ARIH2: variants seen among roughly 807,000 people sequenced by gnomAD.
The protein encoded by ARIH2 is ariadne RBR E3 ubiquitin protein ligase 2.
ARIH2 carries 12 observed loss-of-function variants against 79.8 expected under a neutral mutation model. That is an observed-to-expected ratio of 0.15 (90% CI 0.10 to 0.24). The LOEUF is 0.24. ARIH2 is among the 10% of genes least tolerant of loss of function. The probability of loss-of-function intolerance (pLI) is 1.00; values close to 1 mark genes in which losing one functional copy is unlikely to be tolerated. For synonymous variants in ARIH2, 224 were observed against 213.9 expected (o/e 1.05, Z -0.41); for missense variants, 301 against 618.3 (o/e 0.49, Z 5.44).
At position 48,918,970 on chromosome 3, in the gene ARIH2, G is replaced by T. The variant is rs748125823; in HGVS notation, c.-190G>T. Reference sequence around the variant, plus strand: ...GCCTGACCCGGTCTGGCTTGTTCGGGCTCAGCGGCCGCGAGGCCGCAGCTC... The same window carrying T: ...GCCTGACCCGGTCTGGCTTGTTCGGTCTCAGCGGCCGCGAGGCCGCAGCTC... On this transcript the variant is annotated 5_prime_UTR_variant, in exon 1 of 16. Coordinates refer to ENST00000356401, the MANE Select transcript of ARIH2 (RefSeq NM_006321.4). 9 of 1,482,840 alleles carry T rather than the reference G, an allele frequency of 6.1e-6. No individual in the cohort carries two copies. Among genetic ancestry groups the T allele is most frequent in the Non-Finnish European group, 3.6e-6 (4 of 1,124,512 alleles). 91.9% of individuals were successfully genotyped at this position (1,482,840 alleles called of 1,614,324 possible).
intron 3 of ARIH2, among the ~76,000 whole-genome samples, chr3:48,940,387 A>AAG (rs200771074): frequency 6.0e-5 from 9 of 151,256 alleles, no homozygotes; most frequent in South Asian, 4.2e-4. Context: ...GATAGATAAA[A>AAG]AGAGAGAGAG....
At chr3:48,919,233 GCCAC>G in intron 1 of ARIH2, 4 of 1,250,612 alleles carry the variant, frequency 3.2e-6, no homozygotes, top group Non-Finnish European at 4.0e-6. Flanking sequence ...AAGGTCAGAG[GCCAC>G]CGCCTCTGAC....
chr3:48,928,521 T>TA (rs1267590188), intron 3 of ARIH2, among the ~76,000 whole-genome samples: 1 of 152,210 alleles, frequency 6.6e-6, no homozygotes, highest in Non-Finnish European at 1.5e-5. Context: ...CACTGGCCAT[T>TA]ATGGGAAATT....
At chr3:48,973,571 G>A (rs1289007542) in intron 8 of ARIH2, 128 bp from the exon 9 acceptor site, 9 of 613,362 alleles carry the variant, frequency 1.5e-5, no homozygotes, top group Non-Finnish European at 2.5e-5. Flanking sequence ...GCAAGACTCT[G>A]TCTCAAAAAA....
chr3:48,967,062 G>A, intron 5 of ARIH2, 63 bp from the exon 6 acceptor site: 1 of 1,554,558 alleles, frequency 6.4e-7, no homozygotes, highest in Non-Finnish European at 8.8e-7. Flanking sequence ...GGCTGCATGA[G>A]GTACCCTTAT....
At chr3:48,924,279 C>T (rs184309641) in intron 2 of ARIH2, among the ~76,000 whole-genome samples, 15 of 151,110 alleles carry the variant, frequency 9.9e-5, no homozygotes, top group Admixed American at 9.9e-4. Flanking sequence ...ATGATACAGG[C>T]GTGAGCCACT....
At position 48,956,264 on chromosome 3, in the gene ARIH2, G is replaced by A. The variant is rs1463270399; in HGVS notation, c.256-5348G>A. ...AGCAATTCTACTGCCTCAGCCTCCC[G>A]AATACCTGGGATTACAGGCGCCCGC... On this transcript the variant is annotated intron_variant, in intron 3 of 15. Transcript: ENST00000356401. Among the ~76,000 whole-genome samples the A allele has an allele frequency of 7.3e-5, 11 of 150,224 alleles. No homozygotes were observed. In the East Asian group the frequency reaches 2.0e-3, roughly 27 times the overall value.
intron 3 of ARIH2, among the ~76,000 whole-genome samples, chr3:48,938,398 A>G (rs1473800201): frequency 6.6e-6 from 1 of 152,204 alleles, no homozygotes; most frequent in African/African-American, 2.4e-5. Context: ...ATACCCATAG[A>G]ACTGCATACT....
chr3:48,968,493 G>A (rs773403549), intron 6 of ARIH2, 41 bp from the exon 7 acceptor site: 17 of 1,590,528 alleles, frequency 1.1e-5, no homozygotes, highest in Non-Finnish European at 1.5e-5. Flanking sequence ...ACAGGCATGA[G>A]CTATCGCACC....
chr3:48,941,514 A>G (rs1441269182), intron 3 of ARIH2, among the ~76,000 whole-genome samples: 1 of 152,168 alleles, frequency 6.6e-6, no homozygotes, highest in Non-Finnish European at 1.5e-5. Flanking sequence ...AGTGGTAAAA[A>G]GGAATGAGGT....
At chr3:48,965,033 G>A in intron 5 of ARIH2, 51 bp downstream of exon 5, 1 of 1,559,818 alleles carries the variant, frequency 6.4e-7, no homozygotes, top group Non-Finnish European at 8.8e-7. Context: ...TGTGGTTCTT[G>A]CTTTGGCTTG....
At chr3:48,937,040 A>G (rs958347436) in intron 3 of ARIH2, among the ~76,000 whole-genome samples, 3 of 152,202 alleles carry the variant, frequency 2.0e-5, no homozygotes, top group Non-Finnish European at 2.9e-5. Context: ...AAAAAAAAAC[A>G]TGAATGATTT....
intron 3 of ARIH2, among the ~76,000 whole-genome samples, chr3:48,945,796 T>G (rs1471571469): frequency 2.6e-5 from 4 of 152,034 alleles, no homozygotes; most frequent in Non-Finnish European, 5.9e-5. Flanking sequence ...ATCTGAAAAA[T>G]GATATCACAA....
intron 11 of ARIH2, among the ~76,000 whole-genome samples, chr3:48,977,994 A>G (rs2092597328): frequency 6.6e-6 from 1 of 152,178 alleles, no homozygotes; most frequent in African/African-American, 2.4e-5. Context: ...AGGGTCTGGA[A>G]GAGGCAGAAT....
At chr3:48,972,874 C>G (rs1193504770) in intron 8 of ARIH2, among the ~76,000 whole-genome samples, 2 of 152,146 alleles carry the variant, frequency 1.3e-5, no homozygotes, top group Non-Finnish European at 2.9e-5. Context: ...AGCACTACAC[C>G]TGGCTAATTT....
intron 3 of ARIH2, among the ~76,000 whole-genome samples, chr3:48,944,040 A>G (rs1247470132): frequency 6.6e-6 from 1 of 152,186 alleles, no homozygotes; most frequent in Non-Finnish European, 1.5e-5. Context: ...TGATCTGCCT[A>G]TGTGGCATTC....
At chr3:48,968,748 A>G (rs1338812167) in intron 7 of ARIH2, 93 bp downstream of exon 7, 7 of 1,510,136 alleles carry the variant, frequency 4.6e-6, no homozygotes, top group East Asian at 2.4e-5. Context: ...CTAGGCTGAC[A>G]TTAAGTGATA....
At chr3:48,961,482 C>A in intron 3 of ARIH2, 130 bp from the exon 4 acceptor site, 2 of 536,734 alleles carry the variant, frequency 3.7e-6, no homozygotes, top group Non-Finnish European at 3.4e-6. Context: ...AGCAGAGAAC[C>A]AAGAGGAGGA....
chr3:48,965,198 C>CAA (rs35671575), intron 5 of ARIH2, among the ~76,000 whole-genome samples: 81 of 147,240 alleles, frequency 5.5e-4, no homozygotes, highest in South Asian at 3.9e-3. Flanking sequence ...ACTAAAAATA[C>CAA]AAAAAAAAAA....
Sources: gnomAD v4.1 joint callset for allele counts (sites outside exome capture counted in the v4.1 genomes callset) on GRCh38, gnomAD v4.1.1 for gene constraint, MANE v1.5 for transcripts, NCBI Gene and HGNC (gene_info 2026-07-23, HGNC 2026-07-21) for gene names.